ARHGAP8: variants seen among roughly 807,000 people sequenced by gnomAD.
ARHGAP8 encodes Rho GTPase activating protein 8.
ARHGAP8 carries 62 observed loss-of-function variants against 46.1 expected under a neutral mutation model. The observed-to-expected ratio is 1.34, with a 90% CI of 1.10 to 1.66. The LOEUF (loss-of-function observed/expected upper bound fraction) is 1.66, where lower values mean the gene tolerates loss of function less well. Among genes scored for constraint, ARHGAP8 ranks in the 40% most tolerant of loss-of-function variants. ARHGAP8 has a pLI of 0.00. For missense variants in ARHGAP8, 923 were observed against 568.4 expected (o/e 1.62, Z -6.34); for synonymous variants, 375 against 243.1 (o/e 1.54, Z -5.05).
chr22:44,783,314 G>A (rs939358138), intron 1 of ARHGAP8, among the ~76,000 whole-genome samples: 2 of 151,618 alleles, frequency 1.3e-5, no homozygotes, highest in African/African-American at 4.9e-5. Flanking sequence ...CCCCCGCAGC[G>A]GTCCATCCCC....
At chr22:44,848,881 C>T in intron 9 of ARHGAP8, 51 bp from the exon 10 acceptor site, 1 of 1,607,722 alleles carries the variant, frequency 6.2e-7, no homozygotes, top group South Asian at 1.1e-5. Context: ...TCTGCAGCGG[C>T]AGTGCCCAGG....
Position 44,859,279 on chromosome 22 carries a change from G to C in ARHGAP8, c.878-452G>C, listed in dbSNP as rs528474244. On this transcript the variant is annotated intron_variant, in intron 10 of 11. Coordinates refer to ENST00000356099, the MANE Select transcript of ARHGAP8 (RefSeq NM_181335.3). ...GGCAGGTGATTGGATCATGAGGGCA[G>C]ATACCTCATGGGTTGGTGCTGTCCT... is the stretch of plus-strand genomic sequence containing the variant. Among the ~76,000 whole-genome samples the C allele has an allele frequency of 5.9e-5, 9 of 152,296 alleles. No homozygotes were observed. The South Asian group carries it at 1.4e-3, about 25-fold the overall frequency.
intron 4 of ARHGAP8, among the ~76,000 whole-genome samples, chr22:44,812,277 C>T (rs1352175394): frequency 6.6e-6 from 1 of 151,930 alleles, no homozygotes; most frequent in African/African-American, 2.4e-5. Context: ...AGCAGCTGCC[C>T]TCTGGGCTCC....
chr22:44,825,399 G>A (rs2147122361), intron 6 of ARHGAP8, 84 bp from the exon 7 acceptor site: 1 of 1,457,228 alleles, frequency 6.9e-7, no homozygotes, highest in Admixed American at 2.2e-5. Context: ...TGTCCTGCAG[G>A]TGGGGCATCC....
At chr22:44,761,588 A>AT (rs1925136740) in intron 1 of ARHGAP8, among the ~76,000 whole-genome samples, 1 of 152,196 alleles carries the variant, frequency 6.6e-6, no homozygotes, top group Admixed American at 6.5e-5. Context: ...GAGTCCTGGA[A>AT]TGAATTCCCC....
intron 5 of ARHGAP8, among the ~76,000 whole-genome samples, chr22:44,815,479 T>C (rs905712236): frequency 6.6e-6 from 1 of 151,834 alleles, no homozygotes; most frequent in African/African-American, 2.4e-5. Context: ...GGCAAAGACA[T>C]TACCAGGCCG....
intron 10 of ARHGAP8, among the ~76,000 whole-genome samples, chr22:44,859,355 G>A (rs1381498418): frequency 2.0e-5 from 3 of 151,852 alleles, no homozygotes; most frequent in Non-Finnish European, 2.9e-5. Flanking sequence ...TGGCACCTCT[G>A]TCCCACTCTC....
intron 5 of ARHGAP8, among the ~76,000 whole-genome samples, chr22:44,815,443 G>A (rs1929669146): frequency 6.6e-6 from 1 of 151,410 alleles, no homozygotes; most frequent in South Asian, 2.1e-4. Context: ...CACAAACTCT[G>A]TGGTGTTGGC....
chr22:44,778,060 G>A (rs929422655), intron 1 of ARHGAP8, among the ~76,000 whole-genome samples: 2 of 151,258 alleles, frequency 1.3e-5, no homozygotes, highest in East Asian at 3.9e-4. Flanking sequence ...AGGTTATTGG[G>A]GAACAGGTGG....
At chr22:44,842,213 T>C (rs1231886281) in intron 7 of ARHGAP8, among the ~76,000 whole-genome samples, 1 of 152,080 alleles carries the variant, frequency 6.6e-6, no homozygotes, top group Non-Finnish European at 1.5e-5. Context: ...AAAAATTAGC[T>C]GGGCATGGTG....
At chr22:44,769,435 T>C (rs1000979038) in intron 1 of ARHGAP8, among the ~76,000 whole-genome samples, 1 of 152,254 alleles carries the variant, frequency 6.6e-6, no homozygotes, top group African/African-American at 2.4e-5. Context: ...TTTGCCATTC[T>C]GGGCCCTTTT....
At chr22:44,771,912 T>C (rs143814768) in intron 1 of ARHGAP8, among the ~76,000 whole-genome samples, 2 of 152,288 alleles carry the variant, frequency 1.3e-5, no homozygotes, top group East Asian at 1.9e-4. Flanking sequence ...CCTTGTCTTA[T>C]TACAGTGGGT....
At chr22:44,858,553 A>ATTT (rs2070313413) in intron 10 of ARHGAP8, among the ~76,000 whole-genome samples, 1 of 7,124 alleles carries the variant, frequency 1.4e-4, no homozygotes, top group Non-Finnish European at 3.2e-4. Context: ...TTTTTTTTTA[A>ATTT]GTAACAGGGT....
chr22:44,791,609 C>T (rs546565769), intron 2 of ARHGAP8, among the ~76,000 whole-genome samples: 28 of 152,146 alleles, frequency 1.8e-4, no homozygotes, highest in Non-Finnish European at 3.1e-4. Context: ...GAGGCTGAGG[C>T]GGGAGAATGG....
chr22:44,795,413 G>A (rs1928010114), intron 2 of ARHGAP8, among the ~76,000 whole-genome samples: 1 of 152,070 alleles, frequency 6.6e-6, no homozygotes, highest in Non-Finnish European at 1.5e-5. Context: ...GCTGAACTGA[G>A]TCCAAGTTTC....
intron 10 of ARHGAP8, among the ~76,000 whole-genome samples, chr22:44,858,935 C>G (rs1601531641): frequency 6.6e-6 from 1 of 151,732 alleles, no homozygotes; most frequent in Non-Finnish European, 1.5e-5. Context: ...GTCTCTGTTG[C>G]AACTACTCAG....
intron 1 of ARHGAP8, among the ~76,000 whole-genome samples, chr22:44,753,643 G>A (rs1309508599): frequency 1.3e-5 from 2 of 152,072 alleles, no homozygotes; most frequent in Non-Finnish European, 2.9e-5. Context: ...AGAATCCCTC[G>A]GGCTCTGCCA....
At chr22:44,830,756 C>G (rs1361890029) in intron 7 of ARHGAP8, among the ~76,000 whole-genome samples, 3 of 152,082 alleles carry the variant, frequency 2.0e-5, no homozygotes, top group Non-Finnish European at 4.4e-5. Context: ...CCAGGCTGGT[C>G]TCGAACTCTT....
intron 2 of ARHGAP8, among the ~76,000 whole-genome samples, chr22:44,787,321 C>CTTTGT (rs150868916): frequency 0.017 from 2,618 of 150,736 alleles, 62 homozygotes; most frequent in African/African-American, 0.054. Flanking sequence ...TCTTGCGTTG[C>CTTTGT]TTTGTTTTGT....
Sources: allele counts gnomAD v4.1 joint callset (sites outside exome capture counted in the v4.1 genomes callset), GRCh38; gene constraint gnomAD v4.1.1; transcripts MANE v1.5; gene names NCBI Gene and HGNC (gene_info 2026-07-23, HGNC 2026-07-21).